GSS: variants seen among roughly 807,000 people sequenced by gnomAD.
GSS encodes GSH synthetase.
In GSS, 34 loss-of-function variants were observed where a neutral mutation model predicts 60.4. The ratio of observed to expected loss-of-function variants is 0.56; its 90% CI spans 0.43 to 0.75. The LOEUF (loss-of-function observed/expected upper bound fraction) is 0.75. Among genes scored for constraint, GSS ranks in the 30% least tolerant of loss-of-function variants. The probability of loss-of-function intolerance (pLI) is 0.00; values close to 1 mark genes in which losing one functional copy is unlikely to be tolerated. For synonymous variants in GSS, 224 were observed against 239.0 expected (o/e 0.94, Z 0.58); for missense variants, 499 against 595.1 (o/e 0.84, Z 1.68).
At chr20:34,948,369 T>C (rs2081539531) in intron 2 of GSS, among the ~76,000 whole-genome samples, 1 of 152,194 alleles carries the variant, frequency 6.6e-6, no homozygotes, top group Non-Finnish European at 1.5e-5. Flanking sequence ...CCTCTGCCTC[T>C]GTCCCAGGGC....
chr20:34,941,606 G>C, intron 6 of GSS, 107 bp downstream of exon 6: 1 of 761,702 alleles, frequency 1.3e-6, no homozygotes, highest in Admixed American at 1.8e-5. Context: ...TCTATTCCTA[G>C]AAAAATCCCC....
chr20:34,941,845 T>A lies in GSS; in HGVS notation c.492-16A>T. The A allele has an allele frequency of 7.0e-7, 1 of 1,426,498 alleles. No individual in the cohort carries two copies. The highest frequency in any genetic ancestry group is 9.9e-7 in the Non-Finnish European group (1 of 1,010,290). 88.4% of individuals were successfully genotyped at this position (1,426,498 alleles called of 1,614,324 possible). A position where few individuals can be genotyped will look rare whatever the true frequency, so the allele number is the denominator to read the frequency against. On this transcript the variant is annotated splice_polypyrimidine_tract_variant and intron_variant, in intron 5 of 12. Transcript: ENST00000651619. The stretch of plus-strand genomic sequence containing the variant: ...GAGAACATGTCTGTTGGAAGAGAGA[T>A]GGCTGTTCAGTAATTGGATGGACCT...
At chr20:34,949,881 T>C (rs1267227350) in intron 2 of GSS, 5 of 152,166 alleles carry the variant, frequency 3.3e-5, no homozygotes, top group African/African-American at 1.2e-4. Context: ...GTATGTTCTC[T>C]AACTAGACCA....
intron 3 of GSS, among the ~76,000 whole-genome samples, chr20:34,943,908 A>C (rs886100920): frequency 6.6e-6 from 1 of 152,232 alleles, no homozygotes; most frequent in African/African-American, 2.4e-5. Context: ...AGCCACAGTA[A>C]GAAGGAATCC....
intron 4 of GSS, 98 bp downstream of exon 4, chr20:34,942,833 T>A (rs1057117468): frequency 1.0e-6 from 1 of 965,732 alleles, no homozygotes; most frequent in East Asian, 2.6e-5. Flanking sequence ...CAGATTCCCA[T>A]GAGCTGAGGG....
In GSS at chr20:34,935,523, G is replaced by A. The variant is rs1600381113; in HGVS notation, c.834+53C>T. The A allele has an allele frequency of 1.2e-5, 14 of 1,203,530 alleles. No homozygotes were observed. The East Asian group carries it at 3.2e-4, about 28-fold the overall frequency. 74.6% of individuals were successfully genotyped at this position (1,203,530 alleles called of 1,614,324 possible). ...TTATAAGCCTGAATTGGGTCTCTGT[G>A]GAGCTCTTGTGGGTCCCAGGAGGCA... On this transcript the variant is annotated intron_variant, in intron 9 of 12. Transcript: ENST00000651619.
chr20:34,953,496 TACG>T (rs1175570326), intron 1 of GSS, among the ~76,000 whole-genome samples: 7 of 152,244 alleles, frequency 4.6e-5, no homozygotes, highest in East Asian at 1.9e-4. Context: ...TCCATAATAA[TACG>T]ACTTCTCCCT....
At chr20:34,933,444 A>T (rs367569078) in intron 9 of GSS, among the ~76,000 whole-genome samples, 70 of 152,326 alleles carry the variant, frequency 4.6e-4, no homozygotes, top group Middle Eastern at 6.8e-3. Flanking sequence ...ATGGTTTATT[A>T]CCACAAGAGC....
chr20:34,942,506 C>T lies in GSS; in HGVS notation c.473G>A (p.Arg158Gln), dbSNP rs759122483. The change falls in exon 5 of 13, where the codon CGG becomes CAG. Residue 158 changes from arginine (R) to glutamine (Q), a missense_variant. Transcript: ENST00000651619. The stretch of plus-strand genomic sequence containing the variant: ...GACCCACCGGTGCACAGCTGGGGTC[C>T]GGGAGGCCAGGCCCCCAAAGCTGGC... Reference protein sequence around the residue: ...ISASFGGLASRTPAVHRHVLS... With the variant: ...ISASFGGLASQTPAVHRHVLS... The T allele has an allele frequency of 7.4e-6, 12 of 1,613,748 alleles. No individual in the cohort carries two copies. The highest frequency in any genetic ancestry group is 2.2e-5 in the East Asian group (1 of 44,880).
chr20:34,953,169 G>C (rs2081582421), intron 1 of GSS, among the ~76,000 whole-genome samples: 1 of 152,156 alleles, frequency 6.6e-6, no homozygotes, highest in South Asian at 2.1e-4. Context: ...TAAAAATCTG[G>C]AAACACAGTC....
At position 34,955,626 on chromosome 20, in the gene GSS, C is replaced by G. The variant is rs150385410; in HGVS notation, c.-9+101G>C. The G allele has an allele frequency of 9.0e-3, 1,369 of 152,422 alleles. 17 individuals are homozygous for G. Among genetic ancestry groups the G allele is most frequent in the Middle Eastern group, 0.031 (9 of 294 alleles). The allele number at this position is 152,422 out of a possible 1,614,324, so 9.4% of individuals were successfully genotyped here. A position where few individuals can be genotyped will look rare whatever the true frequency, so the allele number is the denominator to read the frequency against. On this transcript the variant is annotated intron_variant, in intron 1 of 12. Transcript: ENST00000651619. ...ACGAAGGGTTTCAGCCACAAGGTCT[C>G]CCGGCCTCCGGAATTCCAATCTCTT...
At chr20:34,933,503 C>CT (rs1254972437) in intron 9 of GSS, 1 of 153,712 alleles carries the variant, frequency 6.5e-6, no homozygotes, top group African/African-American at 2.4e-5. Flanking sequence ...CCTCCCAACT[C>CT]TGGTTCCCAT....
chr20:34,948,296 T>C (rs2081538778), intron 2 of GSS, among the ~76,000 whole-genome samples: 2 of 152,188 alleles, frequency 1.3e-5, no homozygotes, highest in Non-Finnish European at 2.9e-5. Flanking sequence ...CACATAGAGC[T>C]CTGCTGCCCC....
intron 2 of GSS, among the ~76,000 whole-genome samples, chr20:34,947,622 T>A (rs1297373153): frequency 6.6e-6 from 1 of 152,168 alleles, no homozygotes; most frequent in Non-Finnish European, 1.5e-5. Flanking sequence ...TTTCTCTTTT[T>A]TTCACCCCCA....
At chr20:34,942,357 G>T in intron 5 of GSS, 131 bp downstream of exon 5, 1 of 813,664 alleles carries the variant, frequency 1.2e-6, no homozygotes, top group Non-Finnish European at 2.0e-6. Context: ...TGTCGGGGTG[G>T]CCAGGGGCAA....
At chr20:34,931,901 AGGAG>A in intron 10 of GSS, 34 bp downstream of exon 10, 1 of 1,577,664 alleles carries the variant, frequency 6.3e-7, no homozygotes, top group Non-Finnish European at 8.7e-7. Context: ...TCTGCCACCT[AGGAG>A]GCCTGTGGTA....
In GSS at chr20:34,928,837, G is replaced by A; in HGVS notation, c.1416C>T (p.Tyr472=). ...TGGCCTGGTTGTGCCCTCACACAGG[G>A]TATGGGTTGTCCAGGACTGCCACTC... ...AAGVAVLDNP[Y]PV is the part of the protein sequence containing the mutation. The change falls in exon 13 of 13, where the codon TAC becomes TAT. Residue 472 remains tyrosine, a synonymous_variant. Transcript: ENST00000651619. The A allele has an allele frequency of 6.2e-7, 1 of 1,614,094 alleles. No individual in the cohort carries two copies. Among genetic ancestry groups the A allele is most frequent in the East Asian group, 2.2e-5 (1 of 44,888 alleles).
At chr20:34,949,580 T>C (rs1279943033) in intron 2 of GSS, 1 of 152,098 alleles carries the variant, frequency 6.6e-6, no homozygotes, top group Non-Finnish European at 1.5e-5. Flanking sequence ...TATAGTATCT[T>C]GGGAGAGGAA....
intron 11 of GSS, 73 bp from the exon 12 acceptor site, chr20:34,929,663 C>A: frequency 7.4e-7 from 1 of 1,348,388 alleles, no homozygotes; most frequent in Non-Finnish European, 1.1e-6. Context: ...CTTTTGGGGC[C>A]ACATGGGCAA....
Sources: allele counts gnomAD v4.1 joint callset (sites outside exome capture counted in the v4.1 genomes callset), GRCh38; gene constraint gnomAD v4.1.1; transcripts MANE v1.5; gene names NCBI Gene and HGNC (gene_info 2026-07-23, HGNC 2026-07-21).